Variants in CTNNA2 observed in about 807,000 individuals in gnomAD.
CTNNA2 encodes the protein catenin alpha 2.
A neutral mutation model predicts 101.0 loss-of-function variants in CTNNA2; 42 were observed. That is an observed-to-expected ratio of 0.42 (90% CI 0.32 to 0.54). CTNNA2 has a LOEUF of 0.54. Ranked by LOEUF, CTNNA2 falls within the 20% of genes least tolerant of loss-of-function variation. The pLI is 0.14. For missense variants in CTNNA2, 871 were observed against 1,223.1 expected, an observed-to-expected ratio of 0.71 and a Z score of 4.29; for synonymous variants, 450 against 456.4, an observed-to-expected ratio of 0.99 and a Z score of 0.18.
In CTNNA2 at chr2:80,086,264, C is replaced by G. The variant is rs571417553; in HGVS notation, c.1056+176467C>G. On this transcript the variant is annotated intron_variant, in intron 7 of 18. Coordinates refer to ENST00000402739, the MANE Select transcript of CTNNA2 (RefSeq NM_001282597.3). ...CCTAGGTTTCCAAACGTAACACACT[C>G]ATGTTTAAGGGCAGTTAAAGTTCCT... 1.6e-4 allele frequency among the ~76,000 whole-genome samples: 25 copies of G among 152,148 alleles called. No individual in the cohort carries two copies. The South Asian group carries it at 5.2e-3, about 32-fold the overall frequency.
chr2:79,990,444 A>T (rs180879517), intron 7 of CTNNA2, among the ~76,000 whole-genome samples: 1 of 152,290 alleles, frequency 6.6e-6, no homozygotes, highest in East Asian at 1.9e-4. Flanking sequence ...TCGCACTGAT[A>T]CACGGTGGCT....
In CTNNA2 at chr2:80,241,551, C is replaced by T. The variant is rs554892162; in HGVS notation, c.1057-151660C>T. Among the ~76,000 whole-genome samples the T allele has an allele frequency of 1.3e-4, 19 of 151,770 alleles. No homozygotes were observed. In the South Asian group the frequency reaches 4.0e-3, roughly 32 times the overall value. On this transcript the variant is annotated intron_variant, in intron 7 of 18. Transcript: ENST00000402739. Reference sequence around the variant, plus strand: ...ATATAAAATGCCATATATATCTATACATCTGTATCTCCATCTATCTATCAA... The same window carrying T: ...ATATAAAATGCCATATATATCTATATATCTGTATCTCCATCTATCTATCAA...
At chr2:80,462,598 T>C (rs199594635) in intron 9 of CTNNA2, among the ~76,000 whole-genome samples, 2 of 151,268 alleles carry the variant, frequency 1.3e-5, no homozygotes, top group East Asian at 3.9e-4. Flanking sequence ...GTATCTCATT[T>C]TTCTCTCCCT....
At chr2:79,862,890 AAG>A (rs1681729440) in intron 4 of CTNNA2, among the ~76,000 whole-genome samples, 1 of 152,184 alleles carries the variant, frequency 6.6e-6, no homozygotes, top group African/African-American at 2.4e-5. Context: ...GTTTTTTAAA[AAG>A]GGAATATTTT....
rs562203613 is a variant in CTNNA2 at position 79,399,844 on chromosome 2, A to G, written c.-135+25831A>G. Among the ~76,000 whole-genome samples, 11 of 152,122 alleles carry G rather than the reference A, an allele frequency of 7.2e-5. No individual in the cohort carries two copies. The South Asian group carries it at 2.3e-3, about 32-fold the overall frequency. ...AAATATATTCAAATAACTAAAGGAA[A>G]CCTTGTGTAAAGAAGTAAAGGATGA... On this transcript the variant is annotated intron_variant, in intron 4 of 21. Coordinates refer to the CTNNA2 transcript ENST00000466387.
At chr2:80,224,378 T>A (rs948155061) in intron 7 of CTNNA2, among the ~76,000 whole-genome samples, 1 of 152,224 alleles carries the variant, frequency 6.6e-6, no homozygotes, top group Non-Finnish European at 1.5e-5. Flanking sequence ...CTTGTATCTC[T>A]TTGCCAGGTT....
intron 1 of CTNNA2, among the ~76,000 whole-genome samples, chr2:79,536,256 C>G (rs913736560): frequency 6.6e-6 from 1 of 152,172 alleles, no homozygotes; most frequent in East Asian, 1.9e-4. Flanking sequence ...GAGGTGAAAG[C>G]ATGATCGCTA....
At chr2:79,340,028 A>G (rs1677091978) in intron 3 of CTNNA2, 1 of 152,208 alleles carries the variant, frequency 6.6e-6, no homozygotes, top group Non-Finnish European at 1.5e-5. Context: ...AATTCTGGAC[A>G]TTACATTTTA....
chr2:80,599,072 A>T (rs1697239250), intron 15 of CTNNA2, among the ~76,000 whole-genome samples: 1 of 152,204 alleles, frequency 6.6e-6, no homozygotes, highest in Non-Finnish European at 1.5e-5. Flanking sequence ...TTAACATGAG[A>T]AAGGCTGGGA....
chr2:79,572,350 G>C (rs556074995), intron 1 of CTNNA2, among the ~76,000 whole-genome samples: 1 of 152,240 alleles, frequency 6.6e-6, no homozygotes, highest in South Asian at 2.1e-4. Context: ...GAAAATGTTT[G>C]AAAACTATAG....
chr2:79,949,927 G>T (rs1688764438), intron 7 of CTNNA2, among the ~76,000 whole-genome samples: 1 of 152,104 alleles, frequency 6.6e-6, no homozygotes, highest in South Asian at 2.1e-4. Context: ...TGTAATTGTT[G>T]GAGGATTGAT....
chr2:79,583,008 T>G (rs1235670874), intron 1 of CTNNA2, among the ~76,000 whole-genome samples: 7 of 152,236 alleles, frequency 4.6e-5, no homozygotes, highest in African/African-American at 9.6e-5. Context: ...TGAGTCTAGC[T>G]TCTTTCACTG....
At chr2:80,500,354 AC>A (rs1160826747) in intron 9 of CTNNA2, among the ~76,000 whole-genome samples, 1 of 152,026 alleles carries the variant, frequency 6.6e-6, no homozygotes, top group Non-Finnish European at 1.5e-5. Context: ...TCATTCATTT[AC>A]CCATCCATCT....
intron 6 of CTNNA2, among the ~76,000 whole-genome samples, chr2:79,899,301 C>T (rs1208834435): frequency 6.6e-6 from 1 of 152,154 alleles, no homozygotes. Flanking sequence ...GGATTATTAT[C>T]TTTGCCCTGC....
chr2:79,249,215 A>G (rs1171280607), intron 2 of CTNNA2, among the ~76,000 whole-genome samples: 1 of 152,210 alleles, frequency 6.6e-6, no homozygotes. Context: ...ATTTATGCCT[A>G]ATAAATGTTA....
At chr2:80,565,676 T>G (rs1693995582) in intron 12 of CTNNA2, among the ~76,000 whole-genome samples, 1 of 152,114 alleles carries the variant, frequency 6.6e-6, no homozygotes, top group Non-Finnish European at 1.5e-5. Context: ...TATGGCTCTT[T>G]CATGTGCTAG....
intron 2 of CTNNA2, among the ~76,000 whole-genome samples, chr2:79,731,646 C>T (rs2104922382): frequency 6.6e-6 from 1 of 152,072 alleles, no homozygotes; most frequent in Non-Finnish European, 1.5e-5. Flanking sequence ...AAATTCATTG[C>T]TAGTGGAGGC....
chr2:79,883,135 G>T (rs372515177), intron 6 of CTNNA2, among the ~76,000 whole-genome samples: 3 of 152,230 alleles, frequency 2.0e-5, no homozygotes, highest in East Asian at 3.9e-4. Context: ...GGCCATCTTG[G>T]TCCTGCCCTC....
At chr2:79,880,170 A>G (rs1037548630) in intron 6 of CTNNA2, among the ~76,000 whole-genome samples, 4 of 152,164 alleles carry the variant, frequency 2.6e-5, no homozygotes, top group Non-Finnish European at 5.9e-5. Flanking sequence ...GATGAAGCTG[A>G]CTTGGTCATG....
Sources: gnomAD v4.1 joint callset for allele counts (sites outside exome capture counted in the v4.1 genomes callset) on GRCh38, gnomAD v4.1.1 for gene constraint, MANE v1.5 for transcripts, NCBI Gene and HGNC (gene_info 2026-07-23, HGNC 2026-07-21) for gene names.